Variants in CTNNA3 observed in about 807,000 individuals in gnomAD.
The protein encoded by CTNNA3 is catenin alpha-3.
In CTNNA3, 76 loss-of-function variants were observed where a neutral mutation model predicts 95.7. The observed-to-expected ratio is 0.79, with a 90% confidence interval of 0.66 to 0.96. CTNNA3 has a LOEUF of 0.96. Ranked by LOEUF, CTNNA3 falls within the 40% of genes least tolerant of loss-of-function variation. CTNNA3 has a pLI of 0.00. For missense variants in CTNNA3, 1,191 were observed against 1,089.8 expected (o/e 1.09, Z -1.31); for synonymous variants, 431 against 374.4 (o/e 1.15, Z -1.74).
At chr10:67,440,177 T>C (rs1436382002) in intron 5 of CTNNA3, among the ~76,000 whole-genome samples, 1 of 152,082 alleles carries the variant, frequency 6.6e-6, no homozygotes, top group Non-Finnish European at 1.5e-5. Context: ...TGGCTTTAAG[T>C]GAACATCAGC....
At chr10:66,147,715 ATAC>A (rs1419553201) in intron 13 of CTNNA3, among the ~76,000 whole-genome samples, 1 of 150,088 alleles carries the variant, frequency 6.7e-6, no homozygotes, top group Admixed American at 6.7e-5. Flanking sequence ...TACCTGTAAG[ATAC>A]GTTTATAAAA....
intron 7 of CTNNA3, among the ~76,000 whole-genome samples, chr10:66,809,040 T>G (rs1291974112): frequency 6.6e-6 from 1 of 152,178 alleles, no homozygotes; most frequent in Admixed American, 6.5e-5. Flanking sequence ...CACGACTATG[T>G]ATTATATGAA....
At chr10:66,719,802 G>A (rs970691934) in intron 9 of CTNNA3, among the ~76,000 whole-genome samples, 3 of 152,096 alleles carry the variant, frequency 2.0e-5, no homozygotes, top group African/African-American at 7.2e-5. Flanking sequence ...CTTTGCTGTG[G>A]GAGAGGGGAG....
chr10:66,893,886 G>T (rs1376043621), intron 7 of CTNNA3, among the ~76,000 whole-genome samples: 1 of 152,082 alleles, frequency 6.6e-6, no homozygotes, highest in Admixed American at 6.6e-5. Flanking sequence ...CAAGTTCTTT[G>T]CAATAGCAGC....
chr10:67,053,787 A>G (rs1020387635), intron 7 of CTNNA3, among the ~76,000 whole-genome samples: 1 of 152,176 alleles, frequency 6.6e-6, no homozygotes, highest in African/African-American at 2.4e-5. Context: ...GATGGAATTG[A>G]CTCATTTTCC....
chr10:67,525,767 A>T (rs935455657), intron 4 of CTNNA3, among the ~76,000 whole-genome samples: 3 of 152,304 alleles, frequency 2.0e-5, no homozygotes, highest in African/African-American at 7.2e-5. Context: ...ATAACTCTAG[A>T]GCTCCAGCAG....
At chr10:66,795,292 G>T (rs1589262553) in intron 7 of CTNNA3, among the ~76,000 whole-genome samples, 1 of 151,942 alleles carries the variant, frequency 6.6e-6, no homozygotes, top group South Asian at 2.1e-4. Flanking sequence ...TTGATCCATG[G>T]GTTACAGAAT....
intron 11 of CTNNA3, among the ~76,000 whole-genome samples, chr10:66,389,524 T>C (rs1303888588): frequency 6.6e-6 from 1 of 152,140 alleles, no homozygotes; most frequent in Non-Finnish European, 1.5e-5. Context: ...CAAAGGGTGA[T>C]TTCTATTTTG....
chr10:67,389,386 T>A (rs1178927409), intron 5 of CTNNA3, among the ~76,000 whole-genome samples: 5 of 149,962 alleles, frequency 3.3e-5, no homozygotes, highest in East Asian at 2.0e-4. Context: ...ATGCACCCAA[T>A]ACAGGAGCAC....
In CTNNA3 at chr10:67,180,383, C is replaced by A. The variant is rs1028170886; in HGVS notation, c.981G>T (p.Arg327=). Residue 327 remains arginine, a synonymous_variant, in exon 7 of 18, where the codon CGG becomes CGT. Coordinates refer to ENST00000433211, the MANE Select transcript of CTNNA3 (RefSeq NM_013266.4). The part of the protein sequence containing the change: ...SSCTRDLHRE[R]IIAECNAIRQ... The stretch of plus-strand genomic sequence containing the variant: ...GAATGGCGTTGCATTCTGCGATAAT[C>A]CGCTCTCGGTGTAAGTCCCTCGTAC... 1.2e-6 allele frequency: 2 copies of A among 1,613,840 alleles called. No homozygotes were observed. The highest frequency in any genetic ancestry group is 4.5e-5 in the East Asian group (2 of 44,858).
intron 1 of CTNNA3, among the ~76,000 whole-genome samples, chr10:67,748,291 A>T (rs563621323): frequency 6.6e-6 from 1 of 152,236 alleles, no homozygotes; most frequent in Non-Finnish European, 1.5e-5. Context: ...TCACCCCAAG[A>T]AACATAACCA....
intron 10 of CTNNA3, among the ~76,000 whole-genome samples, chr10:66,616,431 A>G (rs978696870): frequency 6.6e-6 from 1 of 152,086 alleles, no homozygotes; most frequent in African/African-American, 2.4e-5. Flanking sequence ...AGTCATTCAC[A>G]TCATAGTCCT....
At chr10:66,522,830 A>AT (rs1221497043) in intron 10 of CTNNA3, among the ~76,000 whole-genome samples, 2 of 151,802 alleles carry the variant, frequency 1.3e-5, no homozygotes, top group African/African-American at 4.8e-5. Flanking sequence ...TCTATGCATA[A>AT]TTTTTTCATA....
intron 5 of CTNNA3, among the ~76,000 whole-genome samples, chr10:67,505,786 C>G (rs1839409637): frequency 6.6e-6 from 1 of 152,068 alleles, no homozygotes; most frequent in South Asian, 2.1e-4. Flanking sequence ...TCATACAGCT[C>G]TTTTAGAACA....
At chr10:67,433,769 G>A (rs933640544) in intron 5 of CTNNA3, among the ~76,000 whole-genome samples, 3 of 152,050 alleles carry the variant, frequency 2.0e-5, no homozygotes, top group Non-Finnish European at 2.9e-5. Flanking sequence ...GTTCCTGTCC[G>A]TGCCATCATC....
intron 9 of CTNNA3, among the ~76,000 whole-genome samples, chr10:66,737,683 T>C (rs188332535): frequency 7.1e-4 from 107 of 151,574 alleles, no homozygotes; most frequent in African/African-American, 2.4e-3. Flanking sequence ...TTTTTTGAGA[T>C]GGAGTCTCGC....
At chr10:66,042,317 G>A (rs559911123) in intron 15 of CTNNA3, among the ~76,000 whole-genome samples, 11 of 152,214 alleles carry the variant, frequency 7.2e-5, no homozygotes, top group Non-Finnish European at 1.3e-4. Context: ...TCTTCTAGAT[G>A]GGGAAGTTCT....
chr10:67,125,767 G>A (rs1416668314), intron 7 of CTNNA3, among the ~76,000 whole-genome samples: 1 of 152,186 alleles, frequency 6.6e-6, no homozygotes, highest in Non-Finnish European at 1.5e-5. Context: ...AATGGGAAGT[G>A]TTAATCCACC....
intron 5 of CTNNA3, among the ~76,000 whole-genome samples, chr10:67,248,742 T>C (rs1374013894): frequency 2.0e-5 from 3 of 152,162 alleles, no homozygotes; most frequent in Non-Finnish European, 2.9e-5. Flanking sequence ...ATTGGATATA[T>C]ACATGCAAAA....
Sources: gnomAD v4.1 joint callset for allele counts (sites outside exome capture counted in the v4.1 genomes callset) on GRCh38, gnomAD v4.1.1 for gene constraint, MANE v1.5 for transcripts, NCBI Gene and HGNC (gene_info 2026-07-23, HGNC 2026-07-21) for gene names.